The following PIGK variants were observed in gnomAD, a reference collection of about 807,000 sequenced individuals.
PIGK encodes the protein phosphatidylinositol glycan anchor biosynthesis class K, also known as GPI-anchor transamidase.
A neutral mutation model predicts 50.6 loss-of-function variants in PIGK; 42 were observed. The ratio of observed to expected loss-of-function variants is 0.83; its 90% CI spans 0.65 to 1.07. The LOEUF is 1.07. PIGK is among the 50% of genes least tolerant of loss of function. The pLI is 0.00. For missense variants in PIGK, 448 were observed against 488.7 expected (o/e 0.92, Z 0.78); for synonymous variants, 151 against 156.0 (o/e 0.97, Z 0.24).
intron 3 of PIGK, among the ~76,000 whole-genome samples, chr1:77,181,392 CG>C (rs1465959078): frequency 1.3e-5 from 2 of 152,018 alleles, no homozygotes; most frequent in Non-Finnish European, 2.9e-5. Flanking sequence ...CACAACTTTT[CG>C]TTTGTAATAA....
At chr1:77,141,540 TC>T (rs1480922690) in intron 9 of PIGK, among the ~76,000 whole-genome samples, 5 of 152,138 alleles carry the variant, frequency 3.3e-5, no homozygotes, top group African/African-American at 9.7e-5. Context: ...GCCTGGAATA[TC>T]TTTGAGTATA....
intron 9 of PIGK, among the ~76,000 whole-genome samples, chr1:77,142,264 A>G (rs1166757627): frequency 1.3e-5 from 2 of 152,216 alleles, no homozygotes; most frequent in East Asian, 3.8e-4. Flanking sequence ...AAACAGAACT[A>G]TAATACACCA....
chr1:77,122,688 T>G (rs1462089152), intron 9 of PIGK, among the ~76,000 whole-genome samples: 1 of 152,184 alleles, frequency 6.6e-6, no homozygotes, highest in Non-Finnish European at 1.5e-5. Context: ...CTTCAAAACC[T>G]GGCTCCAACC....
chr1:77,102,966 G>C (rs926903538), intron 10 of PIGK, among the ~76,000 whole-genome samples: 2 of 152,072 alleles, frequency 1.3e-5, no homozygotes, highest in African/African-American at 4.8e-5. Context: ...CAACACTGAG[G>C]GTGAAAGAAA....
chr1:77,125,515 T>C (rs1021874203), intron 9 of PIGK, among the ~76,000 whole-genome samples: 3 of 152,178 alleles, frequency 2.0e-5, no homozygotes, highest in Non-Finnish European at 2.9e-5. Flanking sequence ...CACATGTCCA[T>C]TGCTTTCTTG....
intron 3 of PIGK, chr1:77,195,034 C>G (rs1655999114): frequency 2.4e-6 from 2 of 822,362 alleles, no homozygotes; most frequent in East Asian, 3.6e-5. Context: ...GAAGAATAAC[C>G]TGAATCTGCT....
At chr1:77,109,635 C>A (rs533644535) in intron 10 of PIGK, among the ~76,000 whole-genome samples, 2 of 152,274 alleles carry the variant, frequency 1.3e-5, no homozygotes, top group Admixed American at 6.5e-5. Context: ...CTATTTATGA[C>A]AAACCCACAG....
chr1:77,195,510 C>A (rs1021165895), intron 3 of PIGK: 39 of 603,152 alleles, frequency 6.5e-5, no homozygotes, highest in Non-Finnish European at 1.3e-5. Flanking sequence ...CACAGTTTTA[C>A]GGAAATTCAA....
rs766627971 is a variant in PIGK, at chr1:77,210,468, T to G, written c.115A>C (p.Arg39=). ...GCCCAGTTGTTTGTATGGCCACTTC[T>G]AAAGAATTGTTCTGCTTGATCCTAA... is the stretch of plus-strand genomic sequence containing the variant. ...HIEDQAEQFF[R]SGHTNNWAVL... Residue 39 remains arginine, a synonymous_variant, in exon 2 of 11, where the codon AGA becomes CGA. Transcript: ENST00000370812. 6.3e-7 allele frequency: 1 copy of G among 1,593,816 alleles called. No individual in the cohort carries two copies. The highest frequency in any genetic ancestry group is 2.3e-5 in the East Asian group (1 of 44,388).
intron 1 of PIGK, among the ~76,000 whole-genome samples, chr1:77,211,805 C>CTT (rs35286994): frequency 1.2e-4 from 16 of 137,414 alleles, no homozygotes; most frequent in African/African-American, 3.1e-4. Context: ...TTCTTTCTTT[C>CTT]TTTTTTTTTT....
At chr1:77,097,190 AG>A (rs1298590089) in intron 10 of PIGK, among the ~76,000 whole-genome samples, 2 of 152,126 alleles carry the variant, frequency 1.3e-5, no homozygotes, top group Non-Finnish European at 2.9e-5. Context: ...CAGCAAATCA[AG>A]CCCTCAGTTT....
chr1:77,155,603 T>TA (rs1378866191), intron 8 of PIGK, among the ~76,000 whole-genome samples: 1 of 151,902 alleles, frequency 6.6e-6, no homozygotes, highest in Non-Finnish European at 1.5e-5. Context: ...CAAGCCATTT[T>TA]TTTTTTTCTT....
intron 9 of PIGK, among the ~76,000 whole-genome samples, chr1:77,123,583 A>T (rs889273400): frequency 6.6e-6 from 1 of 152,118 alleles, no homozygotes; most frequent in Non-Finnish European, 1.5e-5. Flanking sequence ...CTGCCTCAAA[A>T]CATGTTTCAC....
chr1:77,206,553 A>T, intron 3 of PIGK, 87 bp downstream of exon 3: 2 of 807,740 alleles, frequency 2.5e-6, no homozygotes, highest in African/African-American at 3.5e-5. Flanking sequence ...CCTTTTTCAA[A>T]AGTAACACAA....
intron 9 of PIGK, among the ~76,000 whole-genome samples, chr1:77,127,136 T>C (rs763844668): frequency 2.0e-5 from 3 of 152,202 alleles, no homozygotes; most frequent in Non-Finnish European, 4.4e-5. Flanking sequence ...ATTAAAATAC[T>C]GTCCAAATCC....
chr1:77,177,972 T>A lies in PIGK; in HGVS notation c.240-8577A>T, dbSNP rs1444357156. ...TGGCATCTTTTCCCAAGATGACAGC[T>A]TTTCCCAAGATCACGAATCAAGACT... On this transcript the variant is annotated intron_variant, in intron 3 of 10. Coordinates refer to ENST00000370812, the MANE Select transcript of PIGK (RefSeq NM_005482.3). 2.0e-5 allele frequency among the ~76,000 whole-genome samples: 3 copies of A among 152,326 alleles called. No homozygotes were observed. In the East Asian group the frequency reaches 5.8e-4, roughly 29 times the overall value.
In PIGK at chr1:77,204,680, C is replaced by T. The variant is rs554589073; in HGVS notation, c.239+1960G>A. On this transcript the variant is annotated intron_variant, in intron 3 of 10. Transcript: ENST00000370812. ...CTTTCCCTTTATTTCTCAGACCGGC[C>T]GACACTTAGGAAAAATAGAAAAGAA... 4.3e-4 allele frequency among the ~76,000 whole-genome samples: 66 copies of T among 152,004 alleles called. 1 individual carries two copies. The highest frequency in any genetic ancestry group is 1.4e-3 in the African/African-American group (59 of 41,428).
intron 3 of PIGK, among the ~76,000 whole-genome samples, chr1:77,201,373 A>G (rs1456671762): frequency 6.6e-6 from 1 of 152,242 alleles, no homozygotes; most frequent in South Asian, 2.1e-4. Flanking sequence ...CAAGACTCTT[A>G]CGGATTTCTG....
chr1:77,173,302 A>G (rs912846769), intron 3 of PIGK, among the ~76,000 whole-genome samples: 8 of 152,188 alleles, frequency 5.3e-5, no homozygotes, highest in African/African-American at 1.9e-4. Context: ...TTCTAAAAAG[A>G]TTTCAATATT....
Sources: allele counts gnomAD v4.1 joint callset (sites outside exome capture counted in the v4.1 genomes callset), GRCh38; gene constraint gnomAD v4.1.1; transcripts MANE v1.5; gene names NCBI Gene and HGNC (gene_info 2026-07-23, HGNC 2026-07-21).